PRIM2: variants seen among roughly 807,000 people sequenced by gnomAD.
PRIM2 encodes DNA primase large subunit.
PRIM2 carries 39 observed loss-of-function variants against 67.3 expected under a neutral mutation model. That is an observed-to-expected ratio of 0.58 (90% CI 0.45 to 0.76). The LOEUF is 0.76. Ranked by LOEUF, PRIM2 falls within the 30% of genes least tolerant of loss-of-function variation. The pLI is 0.00. For synonymous variants in PRIM2, 143 were observed against 198.7 expected, an observed-to-expected ratio of 0.72 and a Z score of 2.36; for missense variants, 398 against 598.7, an observed-to-expected ratio of 0.66 and a Z score of 3.50.
the PRIM2 span, among the ~76,000 whole-genome samples, chr6:57,245,987 G>A: frequency 6.6e-6 from 1 of 152,212 alleles, no homozygotes; most frequent in Non-Finnish European, 1.5e-5. Context: ...TGTGCCAACA[G>A]ACTATTATTT....
At chr6:57,304,128 ATG>A in the PRIM2 span, among the ~76,000 whole-genome samples, 5 of 152,222 alleles carry the variant, frequency 3.3e-5, no homozygotes, top group African/African-American at 4.8e-5. Flanking sequence ...TTGGGGTCAC[ATG>A]AGAGGCTGGC....
intron 5 of PRIM2, among the ~76,000 whole-genome samples, chr6:57,362,012 C>T (rs1581828344): frequency 1.3e-5 from 2 of 152,096 alleles, no homozygotes; most frequent in South Asian, 4.1e-4. Flanking sequence ...AGCAGAGATA[C>T]TCCAATGGAT....
intron 7 of PRIM2, among the ~76,000 whole-genome samples, chr6:57,475,923 T>C (rs1773467485): frequency 6.6e-6 from 1 of 152,222 alleles, no homozygotes; most frequent in Admixed American, 6.5e-5. Context: ...AAGTGTGTCA[T>C]GGGCAAAGTC....
chr6:57,582,396 C>T (rs1235445129), intron 10 of PRIM2, among the ~76,000 whole-genome samples: 2 of 152,134 alleles, frequency 1.3e-5, no homozygotes, highest in African/African-American at 2.4e-5. Flanking sequence ...GTCGTGTCCT[C>T]AACTTGATAA....
At chr6:57,346,966 A>G (rs570437217) in intron 5 of PRIM2, among the ~76,000 whole-genome samples, 5 of 152,228 alleles carry the variant, frequency 3.3e-5, no homozygotes, top group African/African-American at 1.2e-4. Context: ...GGACAACAGC[A>G]CAGTTAATAC....
rs1279428244 is a variant in PRIM2, at chr6:57,323,129, T to A, written c.259-1072T>A. On this transcript the variant is annotated intron_variant, in intron 3 of 13. Transcript: ENST00000615550. ...AAATGGGTTCATGCCTTAAAAATTCTTAGGGCACCGCCTGGTACCTAGTGA... is the reference window on the plus strand; with the variant it reads ...AAATGGGTTCATGCCTTAAAAATTCATAGGGCACCGCCTGGTACCTAGTGA... Among the ~76,000 whole-genome samples, 8 of 152,166 alleles carry A rather than the reference T, an allele frequency of 5.3e-5. No individual in the cohort carries two copies. The East Asian group carries it at 1.5e-3, about 29-fold the overall frequency.
intron 7 of PRIM2, among the ~76,000 whole-genome samples, chr6:57,404,169 C>T (rs1303050373): frequency 1.1e-5 from 1 of 95,232 alleles, no homozygotes; most frequent in East Asian, 2.4e-4. Context: ...AAAGGTTGAG[C>T]GGCCTGCAAG....
intron 11 of PRIM2, among the ~76,000 whole-genome samples, chr6:57,605,355 A>G (rs1483195617): frequency 1.3e-5 from 2 of 152,174 alleles, no homozygotes; most frequent in Admixed American, 6.5e-5. Context: ...ATTGGTACCA[A>G]TTCTTCTTTG....
chr6:57,514,631 C>T, intron 8 of PRIM2, among the ~76,000 whole-genome samples: 1 of 152,078 alleles, frequency 6.6e-6, no homozygotes, highest in East Asian at 1.9e-4. Flanking sequence ...ATATTGTTTT[C>T]CATTGTCACC....
chr6:57,485,130 G>A (rs1370197185), intron 7 of PRIM2, among the ~76,000 whole-genome samples: 12,198 of 150,980 alleles, frequency 0.081, 530 homozygotes, highest in Admixed American at 0.1. Flanking sequence ...AAGTAGAGGG[G>A]TGAATATCCA....
intron 12 of PRIM2, among the ~76,000 whole-genome samples, chr6:57,618,928 GCT>G (rs1397766264): frequency 6.6e-6 from 1 of 152,026 alleles, no homozygotes; most frequent in Non-Finnish European, 1.5e-5. Flanking sequence ...TACTGCTGAT[GCT>G]CTCTGGAAAG....
At chr6:57,240,750 T>C in the PRIM2 span, among the ~76,000 whole-genome samples, 4 of 152,220 alleles carry the variant, frequency 2.6e-5, no homozygotes, top group South Asian at 8.3e-4. Flanking sequence ...ATTTCTAGAA[T>C]ACAGTATACG....
intron 8 of PRIM2, among the ~76,000 whole-genome samples, chr6:57,516,210 T>G (rs1219833529): frequency 6.6e-6 from 1 of 152,106 alleles, no homozygotes; most frequent in Non-Finnish European, 1.5e-5. Context: ...TCATCTAAGA[T>G]CCTTAACCTT....
chr6:57,628,269 G>A, intron 12 of PRIM2, among the ~76,000 whole-genome samples: 1 of 151,914 alleles, frequency 6.6e-6, no homozygotes, highest in Non-Finnish European at 1.5e-5. Flanking sequence ...CCTCTATGTA[G>A]TATGTGTTTT....
intron 7 of PRIM2, among the ~76,000 whole-genome samples, chr6:57,399,576 A>C (rs1770638101): frequency 6.6e-6 from 1 of 152,228 alleles, no homozygotes; most frequent in African/African-American, 2.4e-5. Flanking sequence ...TTGCTGGGTC[A>C]AATGGTATTT....
At chr6:57,381,831 A>C (rs1424064248) in intron 6 of PRIM2, 200 bp from the exon 7 acceptor site, 1 of 219,030 alleles carries the variant, frequency 4.6e-6, no homozygotes, top group African/African-American at 2.3e-5. Context: ...CAAAACATCA[A>C]CTCTGAAACG....
chr6:57,613,150 T>C (rs1776696152), intron 12 of PRIM2, among the ~76,000 whole-genome samples: 1 of 152,098 alleles, frequency 6.6e-6, no homozygotes, highest in Non-Finnish European at 1.5e-5. Context: ...TGAGCCAAAA[T>C]ATTTACTTTT....
the PRIM2 span, among the ~76,000 whole-genome samples, chr6:57,224,260 CAAAAAT>C: frequency 6.6e-6 from 1 of 152,080 alleles, no homozygotes; most frequent in Non-Finnish European, 1.5e-5. Context: ...AATCCTGTCT[CAAAAAT>C]AAAAGAGAGA....
At chr6:57,391,014 G>C (rs1267263246) in intron 7 of PRIM2, among the ~76,000 whole-genome samples, 2 of 151,856 alleles carry the variant, frequency 1.3e-5, no homozygotes, top group African/African-American at 4.9e-5. Flanking sequence ...CAGTGTATAA[G>C]TGTTCCCTCC....
Sources: allele counts gnomAD v4.1 joint callset (sites outside exome capture counted in the v4.1 genomes callset), GRCh38; gene constraint gnomAD v4.1.1; transcripts MANE v1.5; gene names NCBI Gene and HGNC (gene_info 2026-07-23, HGNC 2026-07-21).